The following XXYLT1 variants were observed in gnomAD, a reference collection of about 807,000 sequenced individuals.
XXYLT1 encodes the protein UDP-xylose:alpha-xyloside alpha-1,3-xylosyltransferase.
A neutral mutation model predicts 28.9 loss-of-function variants in XXYLT1; 20 were observed. The ratio of observed to expected loss-of-function variants is 0.69; its 90% CI spans 0.49 to 1.00. The LOEUF (loss-of-function observed/expected upper bound fraction) is 1.00, where lower values mean the gene tolerates loss of function less well. XXYLT1 is among the 50% of genes least tolerant of loss of function. The pLI is 0.00. For synonymous variants in XXYLT1, 257 were observed against 253.8 expected, an observed-to-expected ratio of 1.01 and a Z score of -0.12; for missense variants, 542 against 560.1, an observed-to-expected ratio of 0.97 and a Z score of 0.33.
intron 1 of XXYLT1, among the ~76,000 whole-genome samples, chr3:195,227,597 C>T (rs113955743): frequency 6.6e-4 from 100 of 152,318 alleles, no homozygotes; most frequent in African/African-American, 2.1e-3. Flanking sequence ...CTGATCCCCA[C>T]GACAACCTAG....
At chr3:195,101,485 C>T (rs545586054) in intron 3 of XXYLT1, among the ~76,000 whole-genome samples, 1 of 152,316 alleles carries the variant, frequency 6.6e-6, no homozygotes, top group South Asian at 2.1e-4. Context: ...CTATCACTTT[C>T]ATAAATATTT....
At chr3:195,144,189 T>G (rs1281922540) in intron 3 of XXYLT1, among the ~76,000 whole-genome samples, 1 of 149,892 alleles carries the variant, frequency 6.7e-6, no homozygotes, top group Non-Finnish European at 1.5e-5. Flanking sequence ...CCACCGTGCC[T>G]GGCCAACCGC....
At chr3:195,121,959 A>C in intron 3 of XXYLT1, 1 of 687,402 alleles carries the variant, frequency 1.5e-6, no homozygotes, top group South Asian at 1.5e-5. Context: ...CTCTTGTCTT[A>C]GTTCAAGCTA....
chr3:195,192,610 G>A (rs1464552963), intron 2 of XXYLT1, among the ~76,000 whole-genome samples: 1 of 152,114 alleles, frequency 6.6e-6, no homozygotes. Flanking sequence ...AGGAATGCAT[G>A]GCTGGTATAA....
At chr3:195,138,882 G>GAAA (rs1719337467) in intron 3 of XXYLT1, among the ~76,000 whole-genome samples, 1 of 146,696 alleles carries the variant, frequency 6.8e-6, no homozygotes, top group East Asian at 2.0e-4. Flanking sequence ...AAAAAAGAAA[G>GAAA]AAAGAAAGAA....
chr3:195,099,215 A>T lies in XXYLT1; in HGVS notation c.786-29104T>A, dbSNP rs147106840. On this transcript the variant is annotated intron_variant, in intron 3 of 3. Transcript: ENST00000310380. ...CCTTCCCAAGAGATTAAAATAATAAACTCTAAGAAATAAATAAACGTGCTC... is the reference window on the plus strand; with the variant it reads ...CCTTCCCAAGAGATTAAAATAATAATCTCTAAGAAATAAATAAACGTGCTC... Among the ~76,000 whole-genome samples, 165 of 152,190 alleles carry T rather than the reference A, an allele frequency of 1.1e-3. 1 individual carries two copies. Among genetic ancestry groups the T allele is most frequent in the African/African-American group, 3.8e-3 (157 of 41,530 alleles).
rs2108642508 is a variant in XXYLT1, at chr3:195,077,092, G to C, written c.786-6981C>G. On this transcript the variant is annotated intron_variant, in intron 3 of 3. Coordinates refer to ENST00000310380, the MANE Select transcript of XXYLT1 (RefSeq NM_152531.5). The surrounding 1 kb of genome is among the most constrained non-coding windows in gnomAD (Gnocchi z 4.8). ...ACTCAGAGGACACCTGTGGGGCCCAGAACTGCCCTCAGCAAAACCCCAGCC... is the reference window on the plus strand; with the variant it reads ...ACTCAGAGGACACCTGTGGGGCCCACAACTGCCCTCAGCAAAACCCCAGCC... 6.6e-6 allele frequency among the ~76,000 whole-genome samples: 1 copy of C among 152,264 alleles called. No individual in the cohort carries two copies. Among genetic ancestry groups the C allele is most frequent in the East Asian group, 1.9e-4 (1 of 5,184 alleles).
rs552676328 is a variant in XXYLT1, at chr3:195,256,832, C to A, written c.504+13723G>T. ...TCCAGCTGAAGTGAGCGCCCAGGGG[C>A]AGGTGCAGGCTGAAGAGCTTGCCCA... On this transcript the variant is annotated intron_variant, in intron 1 of 3. Coordinates refer to ENST00000310380, the MANE Select transcript of XXYLT1 (RefSeq NM_152531.5). The surrounding 1 kb of genome is among the most constrained non-coding windows in gnomAD (Gnocchi z 4.2). Among the ~76,000 whole-genome samples the A allele has an allele frequency of 8.5e-5, 13 of 152,320 alleles. No individual in the cohort carries two copies. The South Asian group carries it at 2.5e-3, about 29-fold the overall frequency.
At chr3:195,087,883 T>G (rs1021226108) in intron 3 of XXYLT1, among the ~76,000 whole-genome samples, 12 of 151,404 alleles carry the variant, frequency 7.9e-5, no homozygotes, top group South Asian at 2.1e-4. Context: ...GCGCAAGGGG[T>G]CAGGGAGTTC....
At chr3:195,088,679 T>C (rs879084658) in intron 3 of XXYLT1, among the ~76,000 whole-genome samples, 3 of 140,990 alleles carry the variant, frequency 2.1e-5, no homozygotes, top group South Asian at 2.6e-4. Flanking sequence ...GGATGGAGAA[T>C]GACTTTGACG....
chr3:195,094,109 CA>C (rs1238145421), intron 3 of XXYLT1: 1 of 152,928 alleles, frequency 6.5e-6, no homozygotes, highest in African/African-American at 2.4e-5. Flanking sequence ...ACATGAAATT[CA>C]CAGCACTGGC....
rs753608658 is a variant in XXYLT1 at position 195,133,669 on chromosome 3, A to T, written c.785+22780T>A. Among the ~76,000 whole-genome samples, 4 of 152,214 alleles carry T rather than the reference A, an allele frequency of 2.6e-5. No homozygotes were observed. The highest frequency in any genetic ancestry group is 5.9e-5 in the Non-Finnish European group (4 of 68,046). On this transcript the variant is annotated intron_variant, in intron 3 of 3. Transcript: ENST00000310380. This position sits in a 1 kb window ranked among gnomAD's most constrained non-coding sequence, Gnocchi z 4.4. ...CACTCTCGGCAACTTGTTGCCATGC[A>T]GCATTGTATACAGTCACGCACCACG...
chr3:195,216,679 C>G (rs1436907467), intron 2 of XXYLT1, among the ~76,000 whole-genome samples: 3 of 147,942 alleles, frequency 2.0e-5, no homozygotes, highest in Admixed American at 6.7e-5. Flanking sequence ...AATAGCTTAC[C>G]AATCAAAAAG....
chr3:195,268,119 T>C (rs1725898158), intron 1 of XXYLT1, among the ~76,000 whole-genome samples: 1 of 151,734 alleles, frequency 6.6e-6, no homozygotes, highest in African/African-American at 2.4e-5. Context: ...AGAATTCTTA[T>C]CAAAAACAAA....
chr3:195,247,749 G>C, intron 1 of XXYLT1: 1 of 700,744 alleles, frequency 1.4e-6, no homozygotes, highest in Non-Finnish European at 2.6e-6. Context: ...GATTTATAAG[G>C]AAAAGAGGTT....
chr3:195,154,767 G>A lies in XXYLT1; in HGVS notation c.785+1682C>T, dbSNP rs553741087. On this transcript the variant is annotated intron_variant, in intron 3 of 3. Transcript: ENST00000310380. The stretch of plus-strand genomic sequence containing the variant: ...AGTGTACTTTATTTCCTTTCATTCC[G>A]GTCTAAAGCTTTTTAATAAACTTTC... Among the ~76,000 whole-genome samples the A allele has an allele frequency of 1.3e-4, 20 of 152,214 alleles. 1 individual carries two copies. The highest frequency in any genetic ancestry group is 3.4e-3 in the Middle Eastern group (1 of 294).
chr3:195,263,592 T>A (rs1297093140), intron 1 of XXYLT1, among the ~76,000 whole-genome samples: 1 of 152,122 alleles, frequency 6.6e-6, no homozygotes, highest in African/African-American at 2.4e-5. Flanking sequence ...GCTGTCACCA[T>A]CCTCTTGGAC....
At chr3:195,217,979 G>T (rs1363728476) in intron 2 of XXYLT1, among the ~76,000 whole-genome samples, 2 of 149,802 alleles carry the variant, frequency 1.3e-5, no homozygotes, top group Non-Finnish European at 2.9e-5. Context: ...TAGGCCAACG[G>T]AACAGAACAG....
intron 3 of XXYLT1, among the ~76,000 whole-genome samples, chr3:195,106,489 C>T (rs936427644): frequency 2.6e-5 from 4 of 152,276 alleles, no homozygotes; most frequent in East Asian, 1.9e-4. Flanking sequence ...GCGGTGTCTA[C>T]GCCGGGCTCG....
Sources: gnomAD v4.1 joint callset for allele counts (sites outside exome capture counted in the v4.1 genomes callset) on GRCh38, gnomAD v4.1.1 for gene constraint, Gnocchi (gnomAD v3.1) non-coding constraint, MANE v1.5 for transcripts, NCBI Gene and HGNC (gene_info 2026-07-23, HGNC 2026-07-21) for gene names.